The following SLC3A2 variants were observed in gnomAD, a reference collection of about 807,000 sequenced individuals.
The protein encoded by SLC3A2 is solute carrier family 3 member 2, also known as amino acid transporter heavy chain SLC3A2.
A neutral mutation model predicts 48.5 loss-of-function variants in SLC3A2; 32 were observed. That is an observed-to-expected ratio of 0.66 (90% CI 0.50 to 0.89). The LOEUF (loss-of-function observed/expected upper bound fraction) is 0.89. Ranked by LOEUF, SLC3A2 falls within the 40% of genes least tolerant of loss-of-function variation. The probability of loss-of-function intolerance (pLI) is 0.00; values close to 1 mark genes in which losing one functional copy is unlikely to be tolerated. For synonymous variants in SLC3A2, 277 were observed against 288.8 expected, an observed-to-expected ratio of 0.96 and a Z score of 0.41; for missense variants, 587 against 680.7, an observed-to-expected ratio of 0.86 and a Z score of 1.53.
rs1468930791 is a variant in SLC3A2, at chr11:62,882,250, G to T, written c.598+184G>T. 6 of 676,856 alleles carry T rather than the reference G, an allele frequency of 8.9e-6. No individual in the cohort carries two copies. The South Asian group carries it at 9.9e-5, about 11-fold the overall frequency. The allele number at this position is 676,856 out of a possible 1,614,324, so 41.9% of individuals were successfully genotyped here. A position where few individuals can be genotyped will look rare whatever the true frequency, so the allele number is the denominator to read the frequency against. On this transcript the variant is annotated intron_variant, in intron 2 of 8. Transcript: ENST00000338663. Reference sequence around the variant, plus strand: ...CAGTCGTCTGGGGGCTTTCTACTTGGCTGTGGAATCTTGAGCAGGTCATTT... The same window carrying T: ...CAGTCGTCTGGGGGCTTTCTACTTGTCTGTGGAATCTTGAGCAGGTCATTT...
At chr11:62,885,140 C>A in intron 5 of SLC3A2, 37 bp from the exon 6 acceptor site, 5 of 1,608,048 alleles carry the variant, frequency 3.1e-6, no homozygotes, top group Non-Finnish European at 4.2e-6. Flanking sequence ...CCCATTCTTT[C>A]TTGTGCTAAC....
intron 1 of SLC3A2, among the ~76,000 whole-genome samples, chr11:62,870,591 T>C (rs2085500881): frequency 6.6e-6 from 1 of 151,932 alleles, no homozygotes; most frequent in South Asian, 2.1e-4. Flanking sequence ...CCACTGATTA[T>C]ATTATCTCTG....
Position 62,888,455 on chromosome 11 carries a change from C to T in SLC3A2, c.1352C>T (p.Ser451Phe), listed in dbSNP as rs2085744234. The part of the protein sequence containing the change: ...HAFSAGPGLF[S>F]YIRHWDQNER... Reference sequence around the variant, plus strand: ...TTCTCCGCTGGGCCTGGACTCTTCTCCTATATCCGCCACTGGGACCAGAAT... The same window carrying T: ...TTCTCCGCTGGGCCTGGACTCTTCTTCTATATCCGCCACTGGGACCAGAAT... Residue 451 changes from serine to phenylalanine, a missense_variant, in exon 9 of 9, where the codon TCC becomes TTC. By Grantham distance (155) the Ser-to-Phe change is radical (BLOSUM62 -2). Transcript: ENST00000338663. 1 of 1,614,136 alleles carries T rather than the reference C, an allele frequency of 6.2e-7. No individual in the cohort carries two copies. The highest frequency in any genetic ancestry group is 8.5e-7 in the Non-Finnish European group (1 of 1,179,948).
At chr11:62,864,863 G>A (rs1299145907) in intron 1 of SLC3A2, among the ~76,000 whole-genome samples, 1 of 151,914 alleles carries the variant, frequency 6.6e-6, no homozygotes. Context: ...CCACCTCCTG[G>A]GTTCAAGCAA....
chr11:62,885,617 T>C lies in SLC3A2; in HGVS notation c.1143+9T>C. The C allele has an allele frequency of 6.2e-7, 1 of 1,613,878 alleles. No homozygotes were observed. Among genetic ancestry groups the C allele is most frequent in the Non-Finnish European group, 8.5e-7 (1 of 1,179,822 alleles). ...CTGCCCTTCCTGGACAGGTACTGCTTGCTGTCTTTCTGTCACAGGGAGGTT... is the reference window on the plus strand; with the variant it reads ...CTGCCCTTCCTGGACAGGTACTGCTCGCTGTCTTTCTGTCACAGGGAGGTT... On this transcript the variant is annotated intron_variant, in intron 7 of 8. Transcript: ENST00000338663.
chr11:62,872,070 G>A (rs770183533), intron 1 of SLC3A2, among the ~76,000 whole-genome samples: 3 of 151,968 alleles, frequency 2.0e-5, no homozygotes, highest in African/African-American at 7.2e-5. Context: ...ACACCGCCAC[G>A]CCTGGCTAAA....
chr11:62,858,550 A>G (rs2085363110), intron 1 of SLC3A2, among the ~76,000 whole-genome samples: 2 of 151,934 alleles, frequency 1.3e-5, no homozygotes, highest in African/African-American at 4.8e-5. Context: ...ACACCTGTGG[A>G]TGTTTCTCCT....
At position 62,888,770 on chromosome 11, in the gene SLC3A2, A is replaced by AAAAC. The variant is rs539927144; in HGVS notation, c.*90_*93dup. The AAAAC allele has an allele frequency of 2.4e-5, 32 of 1,356,138 alleles. No individual in the cohort carries two copies. The highest frequency in any genetic ancestry group is 9.3e-5 in the East Asian group (4 of 43,136). 84.0% of individuals were successfully genotyped at this position (1,356,138 alleles called of 1,614,324 possible). A position where few individuals can be genotyped will look rare whatever the true frequency, so the allele number is the denominator to read the frequency against. On this transcript the variant is annotated 3_prime_UTR_variant, in exon 9 of 9. Transcript: ENST00000338663. ...TGGCTTCTGATTTTTCTCTTTTTTA[A>AAAAC]AAACAAACAAACAAACTGTTGCAGA...
chr11:62,883,750 G>C (rs1390902988), intron 3 of SLC3A2: 1 of 284,262 alleles, frequency 3.5e-6, no homozygotes, highest in Non-Finnish European at 7.1e-6. Flanking sequence ...GGATGGTTTG[G>C]CATGAGGGGC....
Position 62,867,322 on chromosome 11 carries a change from C to CTTTTTT in SLC3A2, c.112+10958_112+10963dup, listed in dbSNP as rs56758000. Among the ~76,000 whole-genome samples, 80 of 67,658 alleles carry CTTTTTT rather than the reference C, an allele frequency of 1.2e-3. 1 individual carries two copies. Among genetic ancestry groups the CTTTTTT allele is most frequent in the African/African-American group, 2.9e-3 (57 of 19,504 alleles). The allele number at this position is 67,658 out of a possible 152,430, so 44.4% of individuals were successfully genotyped here. On this transcript the variant is annotated intron_variant, in intron 1 of 9. Coordinates refer to the SLC3A2 transcript ENST00000377889. Reference sequence around the variant, plus strand: ...CCCTTTATTCTTTCTCTTTTCTTTTCTTTTTTTTTTTTTTTTTTTTTTGAT... The same window carrying CTTTTTT: ...CCCTTTATTCTTTCTCTTTTCTTTTCTTTTTTTTTTTTTTTTTTTTTTTTTTTTGAT...
chr11:62,858,956 G>A (rs1341044769), intron 1 of SLC3A2, among the ~76,000 whole-genome samples: 4 of 152,134 alleles, frequency 2.6e-5, no homozygotes, highest in Non-Finnish European at 5.9e-5. Flanking sequence ...GTTTTATACC[G>A]AGACATTCCA....
intron 3 of SLC3A2, 134 bp downstream of exon 3, chr11:62,883,133 C>G: frequency 1.4e-6 from 1 of 721,416 alleles, no homozygotes; most frequent in Admixed American, 2.2e-5. Flanking sequence ...AGGAATGCCT[C>G]CTCCTATAGC....
intron 1 of SLC3A2, among the ~76,000 whole-genome samples, chr11:62,860,024 ATC>A (rs2085381779): frequency 6.6e-6 from 1 of 152,180 alleles, no homozygotes; most frequent in African/African-American, 2.4e-5. Context: ...ATTGATCACT[ATC>A]TCTACCATCT....
chr11:62,861,842 C>T (rs2085401384), intron 1 of SLC3A2, among the ~76,000 whole-genome samples: 1 of 141,880 alleles, frequency 7.0e-6, no homozygotes, highest in African/African-American at 2.6e-5. Flanking sequence ...TTGAGAAAGG[C>T]GGAGGATGCG....
chr11:62,881,749 T>C lies in SLC3A2; in HGVS notation c.425-144T>C. ...GTGCAGGACTCCTTACATCAGCTCC[T>C]CTGAGTCTCGTGATTCAGCCTTGCC... On this transcript the variant is annotated intron_variant, in intron 1 of 8. Coordinates refer to ENST00000338663, the MANE Select transcript of SLC3A2 (RefSeq NM_001013251.3). This position sits in a 1 kb window ranked among gnomAD's most constrained non-coding sequence, Gnocchi z 4.0. 1.0e-6 allele frequency: 1 copy of C among 965,738 alleles called. No individual in the cohort carries two copies. Among genetic ancestry groups the C allele is most frequent in the Non-Finnish European group, 1.5e-6 (1 of 654,412 alleles). The allele number at this position is 965,738 out of a possible 1,614,324, so 59.8% of individuals were successfully genotyped here. A position where few individuals can be genotyped will look rare whatever the true frequency, so the allele number is the denominator to read the frequency against.
chr11:62,880,792 C>T (rs2085622456), upstream of SLC3A2: 1 of 807,422 alleles, frequency 1.2e-6, no homozygotes. Flanking sequence ...ACTTTACTAC[C>T]CTGAGCCGCC....
upstream of SLC3A2, among the ~76,000 whole-genome samples, chr11:62,878,859 C>G (rs572303680): frequency 1.9e-4 from 29 of 151,988 alleles, no homozygotes. Context: ...ACTGCAACCT[C>G]TGCCTCTCGG....
At chr11:62,859,820 G>A (rs368992048) in intron 1 of SLC3A2, among the ~76,000 whole-genome samples, 6 of 152,182 alleles carry the variant, frequency 3.9e-5, no homozygotes, top group African/African-American at 7.2e-5. Flanking sequence ...TGGGTGGAGC[G>A]GCTCACGCCT....
At chr11:62,864,263 C>T (rs1399845484) in intron 1 of SLC3A2, among the ~76,000 whole-genome samples, 9 of 151,584 alleles carry the variant, frequency 5.9e-5, no homozygotes, top group African/African-American at 1.9e-4. Context: ...GGACCCAATG[C>T]GATTACTTCA....
Sources: gnomAD v4.1 joint callset for allele counts (sites outside exome capture counted in the v4.1 genomes callset) on GRCh38, gnomAD v4.1.1 for gene constraint, Gnocchi (gnomAD v3.1) non-coding constraint, MANE v1.5 for transcripts, NCBI Gene and HGNC (gene_info 2026-07-23, HGNC 2026-07-21) for gene names.